CLRN1: variants seen among roughly 807,000 people sequenced by gnomAD.
CLRN1 encodes the protein clarin-1.
A neutral mutation model predicts 18.7 loss-of-function variants in CLRN1; 15 were observed. The observed-to-expected ratio is 0.80, with a 90% confidence interval of 0.54 to 1.23. The LOEUF is 1.23. CLRN1 is among the 50% of genes most tolerant of loss of function. The probability of loss-of-function intolerance (pLI) is 0.00; values close to 1 mark genes in which losing one functional copy is unlikely to be tolerated. For missense variants in CLRN1, 311 were observed against 277.5 expected, an observed-to-expected ratio of 1.12 and a Z score of -0.86; for synonymous variants, 104 against 102.9, an observed-to-expected ratio of 1.01 and a Z score of -0.07.
chr3:150,961,323 C>T (rs1187005946), intron 1 of CLRN1, among the ~76,000 whole-genome samples: 1 of 152,188 alleles, frequency 6.6e-6, no homozygotes, highest in African/African-American at 2.4e-5. Context: ...CATTCCAATG[C>T]TCAGGTCCCA....
rs1196979915 is a variant in CLRN1 at position 150,969,313 on chromosome 3, A to ATTTT, written c.253+3139_253+3142dup. On this transcript the variant is annotated intron_variant, in intron 1 of 2. Coordinates refer to ENST00000327047, the MANE Select transcript of CLRN1 (RefSeq NM_174878.3). ...TTGTAATATATATATATATATATAT[A>ATTTT]TTTTTTTTTTTTTTTTTTTTTTTTT... 9.6e-4 allele frequency among the ~76,000 whole-genome samples: 42 copies of ATTTT among 43,550 alleles called. 2 individuals are homozygous for ATTTT. The highest frequency in any genetic ancestry group is 3.1e-3 in the East Asian group (4 of 1,284). 28.6% of individuals were successfully genotyped at this position (43,550 alleles called of 152,430 possible). A position where few individuals can be genotyped will look rare whatever the true frequency, so the allele number is the denominator to read the frequency against.
chr3:150,957,149 C>G (rs1195481745), intron 1 of CLRN1, among the ~76,000 whole-genome samples: 8 of 152,008 alleles, frequency 5.3e-5, no homozygotes, highest in Admixed American at 4.6e-4. Flanking sequence ...TTCTAATTCA[C>G]TATTTACCCT....
intron 1 of CLRN1, among the ~76,000 whole-genome samples, chr3:150,942,804 C>T (rs569158468): frequency 4.6e-5 from 7 of 152,168 alleles, no homozygotes; most frequent in African/African-American, 1.7e-4. Flanking sequence ...CTTGGATTGG[C>T]CTTCGATTGC....
intron 2 of CLRN1, among the ~76,000 whole-genome samples, chr3:150,930,031 T>C (rs1713055408): frequency 6.6e-6 from 1 of 152,218 alleles, no homozygotes; most frequent in Non-Finnish European, 1.5e-5. Context: ...GGGGGATAGT[T>C]GTGGAGATTT....
chr3:150,940,154 A>T (rs1713728595), intron 2 of CLRN1, among the ~76,000 whole-genome samples: 1 of 152,256 alleles, frequency 6.6e-6, no homozygotes, highest in Admixed American at 6.5e-5. Context: ...AGATACAAAG[A>T]TGTAAAAGGC....
Position 150,947,001 on chromosome 3 carries a change from G to A in CLRN1, c.254-5240C>T, listed in dbSNP as rs564385056. Among the ~76,000 whole-genome samples the A allele has an allele frequency of 6.0e-5, 9 of 149,926 alleles. No individual in the cohort carries two copies. The East Asian group carries it at 1.4e-3, about 23-fold the overall frequency. ...TCTAAGAAGACGATTTTGAGATAGCGAGGGAAAATTGGACATGGACTGAGT... is the reference window on the plus strand; with the variant it reads ...TCTAAGAAGACGATTTTGAGATAGCAAGGGAAAATTGGACATGGACTGAGT... On this transcript the variant is annotated intron_variant, in intron 1 of 2. Coordinates refer to ENST00000327047, the MANE Select transcript of CLRN1 (RefSeq NM_174878.3).
rs3796242 is a variant in CLRN1, at chr3:150,972,652, T to A, written c.57A>T (p.Ala19=). The change falls in exon 1 of 3, where the codon GCA becomes GCT. Residue 19 remains alanine (A), a synonymous_variant. Transcript: ENST00000327047. ...AGGCTGTCACAACTCCGAGGGCACA[T>A]GCAAAACTGAACACTCCGGCCATGC... The part of the protein sequence containing the change: ...IFCMAGVFSF[A]CALGVVTALG... The A allele has an allele frequency of 0.12, 198,588 of 1,614,088 alleles. 13,042 individuals are homozygous for A. Among genetic ancestry groups the A allele is most frequent in the East Asian group, 0.22 (9,696 of 44,884 alleles).
At chr3:150,943,985 A>C (rs1166282945) in intron 1 of CLRN1, 1 of 1,344,526 alleles carries the variant, frequency 7.4e-7, no homozygotes, top group South Asian at 1.2e-5. Context: ...GGGGTCAAGA[A>C]AATAGCCTGC....
chr3:150,948,463 G>A (rs979488705), intron 1 of CLRN1, among the ~76,000 whole-genome samples: 5 of 123,052 alleles, frequency 4.1e-5, no homozygotes, highest in Non-Finnish European at 7.9e-5. Flanking sequence ...CAGCCTGGGC[G>A]ACAGAGCGAG....
chr3:150,933,497 G>A (rs991698512), intron 2 of CLRN1, among the ~76,000 whole-genome samples: 9 of 152,160 alleles, frequency 5.9e-5, no homozygotes, highest in African/African-American at 2.2e-4. Context: ...CAGGCTGAAG[G>A]AAGAGTGAAT....
In CLRN1 at chr3:150,929,459, G is replaced by A. The variant is rs1182158769; in HGVS notation, c.434-1258C>T. Among the ~76,000 whole-genome samples the A allele has an allele frequency of 1.3e-4, 20 of 152,338 alleles. No individual in the cohort carries two copies. The South Asian group carries it at 3.5e-3, about 27-fold the overall frequency. On this transcript the variant is annotated intron_variant, in intron 2 of 2. Transcript: ENST00000327047. Reference sequence around the variant, plus strand: ...TTCCAGTTAATAGGAGACTTGCTGGGATGGTTTTCTACCTTAGGTGAAACC... The same window carrying A: ...TTCCAGTTAATAGGAGACTTGCTGGAATGGTTTTCTACCTTAGGTGAAACC...
chr3:150,954,097 T>C (rs74830556), intron 1 of CLRN1, among the ~76,000 whole-genome samples: 10,729 of 152,222 alleles, frequency 0.07, 1,247 homozygotes, highest in African/African-American at 0.24. Flanking sequence ...AATCAAGATA[T>C]AGAACAATTT....
chr3:150,958,656 A>G (rs1462086684), intron 1 of CLRN1, among the ~76,000 whole-genome samples: 1 of 152,240 alleles, frequency 6.6e-6, no homozygotes, highest in Non-Finnish European at 1.5e-5. Context: ...AATCTAGCTC[A>G]TCTTTAAGAA....
intron 1 of CLRN1, among the ~76,000 whole-genome samples, chr3:150,964,578 T>A: frequency 6.6e-6 from 1 of 152,160 alleles, no homozygotes; most frequent in Admixed American, 6.5e-5. Flanking sequence ...GGATTATAAA[T>A]CATTCTACTA....
chr3:150,950,556 T>C (rs1714428793), intron 1 of CLRN1, among the ~76,000 whole-genome samples: 1 of 152,086 alleles, frequency 6.6e-6, no homozygotes, highest in Non-Finnish European at 1.5e-5. Flanking sequence ...GAAAAAAAGC[T>C]CAACATCACT....
chr3:150,929,364 G>A (rs141131890), intron 2 of CLRN1, among the ~76,000 whole-genome samples: 136 of 152,290 alleles, frequency 8.9e-4, no homozygotes, highest in African/African-American at 3.2e-3. Context: ...CAGATCAGGA[G>A]CACATAGGAT....
chr3:150,949,340 A>C (rs1714357331), intron 1 of CLRN1, among the ~76,000 whole-genome samples: 1 of 152,202 alleles, frequency 6.6e-6, no homozygotes, highest in Admixed American at 6.5e-5. Context: ...TCAACATGGT[A>C]CTGGAAGTCC....
chr3:150,930,206 A>G (rs1243091123), intron 2 of CLRN1, among the ~76,000 whole-genome samples: 4 of 151,952 alleles, frequency 2.6e-5, no homozygotes, highest in Non-Finnish European at 5.9e-5. Context: ...AGAAGTAGCC[A>G]GAAGGAGCTA....
intron 1 of CLRN1, among the ~76,000 whole-genome samples, chr3:150,958,626 T>C (rs1342743735): frequency 1.3e-5 from 2 of 152,264 alleles, no homozygotes; most frequent in East Asian, 1.9e-4. Context: ...TTGGAATGTT[T>C]CTTCAATGCC....
Sources: allele counts gnomAD v4.1 joint callset (sites outside exome capture counted in the v4.1 genomes callset), GRCh38; gene constraint gnomAD v4.1.1; transcripts MANE v1.5; gene names NCBI Gene and HGNC (gene_info 2026-07-23, HGNC 2026-07-21).